The following MAP2 variants were observed in gnomAD, a reference collection of about 807,000 sequenced individuals.
MAP2 encodes microtubule-associated protein 2.
MAP2 carries 14 observed loss-of-function variants against 137.6 expected under a neutral mutation model. The ratio of observed to expected loss-of-function variants is 0.10; its 90% CI spans 0.07 to 0.16. The LOEUF is 0.16. Ranked by LOEUF, MAP2 falls within the 10% of genes least tolerant of loss-of-function variation. MAP2 has a pLI of 1.00. For synonymous variants in MAP2, 786 were observed against 782.3 expected, an observed-to-expected ratio of 1.00 and a Z score of -0.08; for missense variants, 2,088 against 2,191.5, an observed-to-expected ratio of 0.95 and a Z score of 0.94.
rs996629703 is a variant in MAP2, at chr2:209,575,533, A to T, written c.-171-4503A>T. On this transcript the variant is annotated intron_variant, in intron 2 of 15. Transcript: ENST00000682079. ...GACTCCATCTCAAAAAAAAAAAAAA[A>T]AAAAAAAAAAATACATATATATGTG... Among the ~76,000 whole-genome samples, 27 of 150,898 alleles carry T rather than the reference A, an allele frequency of 1.8e-4. 1 individual carries two copies. Among genetic ancestry groups the T allele is most frequent in the African/African-American group, 5.6e-4 (23 of 41,246 alleles).
chr2:209,434,849 G>A (rs1462498330), intron 1 of MAP2, among the ~76,000 whole-genome samples: 3 of 86,868 alleles, frequency 3.5e-5, no homozygotes, highest in African/African-American at 8.9e-5. Flanking sequence ...ATATATATAT[G>A]TTATATATAT....
chr2:209,580,375 T>C (rs916165935), intron 3 of MAP2, among the ~76,000 whole-genome samples: 7 of 151,932 alleles, frequency 4.6e-5, no homozygotes, highest in African/African-American at 7.2e-5. Context: ...CATTGTAATG[T>C]TTTTTTTAAA....
At chr2:209,506,879 TAACA>T (rs1235126542) in intron 1 of MAP2, among the ~76,000 whole-genome samples, 1 of 152,194 alleles carries the variant, frequency 6.6e-6, no homozygotes, top group Non-Finnish European at 1.5e-5. Flanking sequence ...CAGACTGTTC[TAACA>T]AACATAAAAG....
chr2:209,528,411 C>G (rs288060), intron 2 of MAP2, among the ~76,000 whole-genome samples: 7,595 of 152,040 alleles, frequency 0.05, 376 homozygotes, highest in African/African-American at 0.12. Flanking sequence ...AGGAATGGTT[C>G]CTCACTTTAA....
intron 1 of MAP2, among the ~76,000 whole-genome samples, chr2:209,484,101 T>G (rs2058065701): frequency 6.6e-6 from 1 of 152,178 alleles, no homozygotes; most frequent in Admixed American, 6.5e-5. Context: ...GTAAAAATCT[T>G]TACCTCCTCT....
At chr2:209,701,439 GA>G (rs1297250383) in intron 11 of MAP2, among the ~76,000 whole-genome samples, 1 of 151,560 alleles carries the variant, frequency 6.6e-6, no homozygotes, top group Non-Finnish European at 1.5e-5. Flanking sequence ...ATGATTGAAA[GA>G]AAAAAATTAA....
chr2:209,471,804 A>C (rs2149717991), intron 1 of MAP2, among the ~76,000 whole-genome samples: 1 of 152,314 alleles, frequency 6.6e-6, no homozygotes, highest in Non-Finnish European at 1.5e-5. Context: ...ATAAGTAGAA[A>C]TTTTAATGAT....
At chr2:209,514,283 C>A (rs1008360343) in intron 2 of MAP2, among the ~76,000 whole-genome samples, 1 of 151,812 alleles carries the variant, frequency 6.6e-6, no homozygotes, top group Non-Finnish European at 1.5e-5. Flanking sequence ...CCAAATTAAA[C>A]CTAATAATTA....
chr2:209,591,579 T>C (rs566528199), intron 3 of MAP2, among the ~76,000 whole-genome samples: 7 of 152,316 alleles, frequency 4.6e-5, no homozygotes, highest in Admixed American at 3.3e-4. Context: ...CACCTACTTA[T>C]GGTAAACAAA....
intron 4 of MAP2, among the ~76,000 whole-genome samples, chr2:209,629,760 A>C (rs1327172715): frequency 6.6e-6 from 1 of 152,172 alleles, no homozygotes; most frequent in Non-Finnish European, 1.5e-5. Flanking sequence ...GGTTTTGAAG[A>C]GGGATCTCTC....
intron 1 of MAP2, among the ~76,000 whole-genome samples, chr2:209,494,786 CAGAA>C (rs1334029519): frequency 1.3e-5 from 2 of 152,110 alleles, no homozygotes; most frequent in Non-Finnish European, 2.9e-5. Context: ...ACTGAAAACA[CAGAA>C]AGAACTAAAA....
chr2:209,448,221 G>A (rs951100222), intron 1 of MAP2, among the ~76,000 whole-genome samples: 2 of 152,194 alleles, frequency 1.3e-5, no homozygotes, highest in African/African-American at 4.8e-5. Flanking sequence ...TGGGCAACAT[G>A]TATAAATATG....
intron 7 of MAP2, among the ~76,000 whole-genome samples, chr2:209,688,634 T>C (rs1389759360): frequency 6.6e-6 from 1 of 152,150 alleles, no homozygotes. Context: ...TCTAGCCTTA[T>C]AAAGCTGGGA....
chr2:209,535,354 A>G (rs957460583), intron 2 of MAP2, among the ~76,000 whole-genome samples: 2 of 152,198 alleles, frequency 1.3e-5, no homozygotes, highest in African/African-American at 2.4e-5. Context: ...CCGCATAACC[A>G]TAACATTTCC....
intron 1 of MAP2, among the ~76,000 whole-genome samples, chr2:209,453,496 A>G (rs1016090884): frequency 1.2e-4 from 18 of 152,238 alleles, no homozygotes; most frequent in South Asian, 8.3e-4. Context: ...ACAATGCAAC[A>G]TAACGACTTA....
At chr2:209,683,389 T>C (rs546386693) in intron 7 of MAP2, among the ~76,000 whole-genome samples, 1 of 152,342 alleles carries the variant, frequency 6.6e-6, no homozygotes, top group Non-Finnish European at 1.5e-5. Context: ...TAACCATTTT[T>C]TGAGTTTTAA....
intron 1 of MAP2, among the ~76,000 whole-genome samples, chr2:209,439,368 T>C (rs535347326): frequency 1.1e-4 from 16 of 151,726 alleles, no homozygotes; most frequent in African/African-American, 3.4e-4. Context: ...TGTATAAATG[T>C]GTACATATAT....
At chr2:209,673,981 A>G (rs2050080470) in intron 5 of MAP2, among the ~76,000 whole-genome samples, 1 of 151,824 alleles carries the variant, frequency 6.6e-6, no homozygotes, top group Non-Finnish European at 1.5e-5. Flanking sequence ...ACAGTCCTGA[A>G]TTGGGACTTG....
At chr2:209,648,450 A>T (rs2153598160) in intron 4 of MAP2, among the ~76,000 whole-genome samples, 1 of 152,130 alleles carries the variant, frequency 6.6e-6, no homozygotes, top group Admixed American at 6.5e-5. Flanking sequence ...TATTCCCATT[A>T]TATATTGACG....
Sources: allele counts gnomAD v4.1 joint callset (sites outside exome capture counted in the v4.1 genomes callset), GRCh38; gene constraint gnomAD v4.1.1; transcripts MANE v1.5; gene names NCBI Gene and HGNC (gene_info 2026-07-23, HGNC 2026-07-21).